The following NMBR variants were observed in gnomAD, a reference collection of about 807,000 sequenced individuals.
NMBR encodes the protein neuromedin-B receptor.
In NMBR, 16 loss-of-function variants were observed where a neutral mutation model predicts 20.5. The observed-to-expected ratio is 0.78, with a 90% CI of 0.53 to 1.19. The LOEUF is 1.19. Ranked by LOEUF, NMBR falls within the 50% of genes most tolerant of loss-of-function variation. NMBR has a pLI of 0.00. For synonymous variants in NMBR, 212 were observed against 196.6 expected, an observed-to-expected ratio of 1.08 and a Z score of -0.65; for missense variants, 582 against 499.1, an observed-to-expected ratio of 1.17 and a Z score of -1.58.
intron 1 of NMBR, among the ~76,000 whole-genome samples, chr6:142,112,774 C>T (rs1479679429): frequency 6.6e-6 from 1 of 152,078 alleles, no homozygotes; most frequent in Non-Finnish European, 1.5e-5. Context: ...TTTTTATTTT[C>T]ATCAATGCTA....
intron 3 of NMBR, among the ~76,000 whole-genome samples, chr6:142,076,360 T>A (rs992648410): frequency 2.0e-5 from 3 of 152,190 alleles, no homozygotes; most frequent in Admixed American, 1.3e-4. Context: ...GTAACATAAA[T>A]ATAAGTCATT....
At chr6:142,087,313 A>G (rs1011068368) in intron 2 of NMBR, among the ~76,000 whole-genome samples, 12 of 152,338 alleles carry the variant, frequency 7.9e-5, no homozygotes, top group African/African-American at 2.6e-4. Flanking sequence ...TTGTTTATCT[A>G]AATAGCTTAA....
chr6:142,119,022 A>G (rs1048872442), intron 1 of NMBR, among the ~76,000 whole-genome samples: 1 of 152,060 alleles, frequency 6.6e-6, no homozygotes, highest in Non-Finnish European at 1.5e-5. Flanking sequence ...TGTCATTGCA[A>G]CTGAAGTCTT....
In NMBR at chr6:142,075,029, G is replaced by C. The variant is rs1220135345; in HGVS notation, c.*619C>G. Among the ~76,000 whole-genome samples, 1 of 151,626 alleles carries C rather than the reference G, an allele frequency of 6.6e-6. No homozygotes were observed. Among genetic ancestry groups the C allele is most frequent in the Non-Finnish European group, 1.5e-5 (1 of 67,934 alleles). ...TCACAATAAATACCAATTTGATTAA[G>C]CTCCACCTTTGAATTTTTTCTTATT... On this transcript the variant is annotated 3_prime_UTR_variant, in exon 4 of 4. Coordinates refer to ENST00000258042, the MANE Select transcript of NMBR (RefSeq NM_002511.4).
At chr6:142,084,277 T>C (rs1000285308) in intron 2 of NMBR, among the ~76,000 whole-genome samples, 8 of 152,234 alleles carry the variant, frequency 5.3e-5, no homozygotes, top group Non-Finnish European at 1.2e-4. Flanking sequence ...ATAATATTAA[T>C]GATTCAAGAC....
At position 142,092,593 on chromosome 6, in the gene NMBR, C is replaced by T. The variant is rs180827055; in HGVS notation, c.-663-3272G>A. Among the ~76,000 whole-genome samples, 294 of 152,252 alleles carry T rather than the reference C, an allele frequency of 1.9e-3. 4 individuals carry two copies. Among genetic ancestry groups the T allele is most frequent in the Non-Finnish European group, 3.4e-4 (23 of 68,010 alleles). On this transcript the variant is annotated intron_variant, in intron 1 of 3. Coordinates refer to ENST00000258042, the MANE Select transcript of NMBR (RefSeq NM_002511.4). ...CATATTAAACAGTAGTTTTTAGACA[C>T]TGGCAGCACAAAAGAGGCAGCACAA...
intron 1 of NMBR, among the ~76,000 whole-genome samples, chr6:142,122,530 A>T (rs912491153): frequency 1.3e-5 from 2 of 152,100 alleles, no homozygotes; most frequent in East Asian, 1.9e-4. Context: ...TATGTATATC[A>T]AACAGCTTTA....
At chr6:142,102,461 T>C (rs1201506471) in intron 1 of NMBR, among the ~76,000 whole-genome samples, 1 of 151,588 alleles carries the variant, frequency 6.6e-6, no homozygotes, top group Non-Finnish European at 1.5e-5. Context: ...CAACTGAATA[T>C]CTATAATACC....
At chr6:142,102,193 C>T (rs1230694907) in intron 1 of NMBR, among the ~76,000 whole-genome samples, 1 of 151,968 alleles carries the variant, frequency 6.6e-6, no homozygotes, top group African/African-American at 2.4e-5. Context: ...TCAAGACCAT[C>T]CTGGCTAACA....
At chr6:142,106,687 AT>A (rs1369974197) in intron 1 of NMBR, among the ~76,000 whole-genome samples, 2 of 152,204 alleles carry the variant, frequency 1.3e-5, no homozygotes, top group Non-Finnish European at 2.9e-5. Context: ...ACAAATTTGC[AT>A]TTCTAAAAAG....
At position 142,088,661 on chromosome 6, in the gene NMBR, T is replaced by A; in HGVS notation, c.-3A>T. 1 of 1,596,274 alleles carries A rather than the reference T, an allele frequency of 6.3e-7. No homozygotes were observed. The highest frequency in any genetic ancestry group is 8.5e-7 in the Non-Finnish European group (1 of 1,176,638). Reference sequence around the variant, plus strand: ...TTGGAAAGAGACTTAGAGGGCATGATCTCCTTTCCAGCAGAGTCCGCTGGA... The same window carrying A: ...TTGGAAAGAGACTTAGAGGGCATGAACTCCTTTCCAGCAGAGTCCGCTGGA... On this transcript the variant is annotated 5_prime_UTR_variant, in exon 2 of 4. Coordinates refer to ENST00000258042, the MANE Select transcript of NMBR (RefSeq NM_002511.4).
At chr6:142,127,641 ATCTG>A (rs1005266017) in intron 1 of NMBR, among the ~76,000 whole-genome samples, 1 of 151,712 alleles carries the variant, frequency 6.6e-6, no homozygotes, top group Non-Finnish European at 1.5e-5. Flanking sequence ...CTTTCCATTT[ATCTG>A]TCTTTTTTTT....
At chr6:142,081,496 C>T (rs1371958676) in intron 2 of NMBR, among the ~76,000 whole-genome samples, 1 of 151,964 alleles carries the variant, frequency 6.6e-6, no homozygotes, top group East Asian at 1.9e-4. Context: ...AAGATAGACC[C>T]CAATGATATT....
intron 1 of NMBR, among the ~76,000 whole-genome samples, chr6:142,136,679 G>A (rs1395165531): frequency 2.0e-5 from 3 of 152,184 alleles, no homozygotes. Context: ...TGTATAAGGT[G>A]TAAGGAAGGG....
chr6:142,121,103 G>C (rs996858858), intron 1 of NMBR, among the ~76,000 whole-genome samples: 15 of 151,880 alleles, frequency 9.9e-5, no homozygotes, highest in African/African-American at 3.6e-4. Context: ...TCTGTGATGA[G>C]TGACTTTTGA....
At chr6:142,130,036 C>T (rs538053976) in intron 1 of NMBR, among the ~76,000 whole-genome samples, 1 of 152,164 alleles carries the variant, frequency 6.6e-6, no homozygotes, top group East Asian at 1.9e-4. Flanking sequence ...ATGAATTGTA[C>T]TTGGTTAGTT....
rs143253840 is a variant in NMBR at position 142,124,323 on chromosome 6, A to G, written c.-664+22721T>C. Among the ~76,000 whole-genome samples the G allele has an allele frequency of 9.3e-3, 1,421 of 151,988 alleles. 14 individuals carry two copies. Among genetic ancestry groups the G allele is most frequent in the Non-Finnish European group, 0.013 (909 of 67,896 alleles). ...ATACCTATTTGGTACACTTTCTCCCAAGCTTGCCAGAATGAGTCTAGTCTC... is the reference window on the plus strand; with the variant it reads ...ATACCTATTTGGTACACTTTCTCCCGAGCTTGCCAGAATGAGTCTAGTCTC... On this transcript the variant is annotated intron_variant, in intron 1 of 3. Coordinates refer to ENST00000258042, the MANE Select transcript of NMBR (RefSeq NM_002511.4).
chr6:142,093,761 TC>T (rs1185566874), intron 1 of NMBR, among the ~76,000 whole-genome samples: 1 of 152,182 alleles, frequency 6.6e-6, no homozygotes, highest in Non-Finnish European at 1.5e-5. Flanking sequence ...TAGTTTACAG[TC>T]CCACCAACAG....
chr6:142,140,985 G>T (rs1318296760), intron 1 of NMBR, among the ~76,000 whole-genome samples: 1 of 152,124 alleles, frequency 6.6e-6, no homozygotes, highest in African/African-American at 2.4e-5. Flanking sequence ...TATAGCTAAA[G>T]ATTTCAACAC....
Sources: gnomAD v4.1 joint callset for allele counts (sites outside exome capture counted in the v4.1 genomes callset) on GRCh38, gnomAD v4.1.1 for gene constraint, MANE v1.5 for transcripts, NCBI Gene and HGNC (gene_info 2026-07-23, HGNC 2026-07-21) for gene names.